CACNA1H: variants seen among roughly 807,000 people sequenced by gnomAD.
CACNA1H encodes the protein calcium voltage-gated channel subunit alpha1 H.
A neutral mutation model predicts 192.5 loss-of-function variants in CACNA1H; 149 were observed. That is an observed-to-expected ratio of 0.77 (90% CI 0.68 to 0.89). CACNA1H has a LOEUF of 0.89. CACNA1H is among the 40% of genes least tolerant of loss of function. CACNA1H has a pLI of 0.00. For synonymous variants in CACNA1H, 2,202 were observed against 1,475.2 expected (o/e 1.49, Z -11.29); for missense variants, 4,257 against 3,423.5 (o/e 1.24, Z -6.08).
At chr16:1,170,257 G>A (rs1964229203) in intron 2 of CACNA1H, among the ~76,000 whole-genome samples, 2 of 152,202 alleles carry the variant, frequency 1.3e-5, no homozygotes, top group African/African-American at 2.4e-5. Flanking sequence ...AGCCTTCTTT[G>A]TGAGGGGCGG....
chr16:1,176,920 G>A (rs111640028), intron 2 of CACNA1H, among the ~76,000 whole-genome samples: 2 of 152,168 alleles, frequency 1.3e-5, no homozygotes, highest in African/African-American at 4.8e-5. Flanking sequence ...GCTGCTGTGA[G>A]GATGTTCCGT....
Position 1,220,694 on chromosome 16 carries a change from C to T in CACNA1H, c.6762C>T (p.Ala2254=), listed in dbSNP as rs771676002. 3.1e-6 allele frequency: 5 copies of T among 1,611,296 alleles called. No individual in the cohort carries two copies. In the East Asian group the frequency reaches 8.9e-5, roughly 29 times the overall value. ...PAAKGERWGQ[A]SCRAEHLTVP... is the part of the protein sequence containing the mutation. ...CCAAGGGGGAGCGCTGGGGCCAGGC[C>T]TCCTGCCGGGCTGAGCACCTGACCG... is the stretch of plus-strand genomic sequence containing the variant. The change falls in exon 35 of 35, where the codon GCC becomes GCT. Residue 2254 remains alanine, a synonymous_variant. Transcript: ENST00000348261.
chr16:1,221,184 C>T lies in CACNA1H; in HGVS notation c.*190C>T. 1 of 548,126 alleles carries T rather than the reference C, an allele frequency of 1.8e-6. No individual in the cohort carries two copies. Among genetic ancestry groups the T allele is most frequent in the Non-Finnish European group, 3.2e-6 (1 of 315,220 alleles). The allele number at this position is 548,126 out of a possible 1,614,324, so 34.0% of individuals were successfully genotyped here. A position where few individuals can be genotyped will look rare whatever the true frequency, so the allele number is the denominator to read the frequency against. ...AGGAGTAGCTGCCGGGCCCCACGAG[C>T]CTCCGTCCGTTCTGGTTCGGGTTTC... is the stretch of plus-strand genomic sequence containing the variant. On this transcript the variant is annotated 3_prime_UTR_variant, in exon 35 of 35. Transcript: ENST00000348261.
At chr16:1,174,471 C>T (rs1964670485) in intron 2 of CACNA1H, among the ~76,000 whole-genome samples, 1 of 152,102 alleles carries the variant, frequency 6.6e-6, no homozygotes, top group African/African-American at 2.4e-5. Flanking sequence ...GCCCACCTGG[C>T]CCAGCCTGGA....
chr16:1,183,732 C>T (rs1253195866), intron 2 of CACNA1H, among the ~76,000 whole-genome samples: 4 of 152,236 alleles, frequency 2.6e-5, no homozygotes, highest in East Asian at 1.9e-4. Context: ...GGCTGGGGGG[C>T]GGCCCTGGGG....
At chr16:1,158,018 G>GC (rs1261061331) in intron 2 of CACNA1H, 1 of 152,322 alleles carries the variant, frequency 6.6e-6, no homozygotes, top group African/African-American at 2.4e-5. Flanking sequence ...TGGCGCCCTT[G>GC]CCCGCATTCT....
In CACNA1H at chr16:1,199,600, C is replaced by T. The variant is rs549463132; in HGVS notation, c.804-656C>T. Among the ~76,000 whole-genome samples, 45 of 151,264 alleles carry T rather than the reference C, an allele frequency of 3.0e-4. 3 individuals carry two copies. Among genetic ancestry groups the T allele is most frequent in the Admixed American group, 1.5e-3 (23 of 15,234 alleles). ...CACCCCAGAGTCCGTCACACCTTAC[C>T]CCAGGGTCTCCCCTCGGCCCTTGCT... On this transcript the variant is annotated intron_variant, in intron 6 of 34. Coordinates refer to ENST00000348261, the MANE Select transcript of CACNA1H (RefSeq NM_021098.3).
chr16:1,173,039 G>A (rs1421392200), intron 2 of CACNA1H, among the ~76,000 whole-genome samples: 1 of 152,168 alleles, frequency 6.6e-6, no homozygotes. Flanking sequence ...CCCTGGGTGT[G>A]GCGTGGAGAG....
chr16:1,214,598 C>T (rs1273055283), intron 27 of CACNA1H, among the ~76,000 whole-genome samples: 1 of 152,166 alleles, frequency 6.6e-6, no homozygotes, highest in Non-Finnish European at 1.5e-5. Flanking sequence ...CCCCATGTCC[C>T]CGAGGTGCTC....
chr16:1,183,314 C>T (rs747733166), intron 2 of CACNA1H, among the ~76,000 whole-genome samples: 2 of 152,166 alleles, frequency 1.3e-5, no homozygotes, highest in African/African-American at 2.4e-5. Flanking sequence ...AGGACCTCAC[C>T]CCTTCCTGAG....
At position 1,178,139 on chromosome 16, in the gene CACNA1H, C is replaced by T. The variant is rs1168452984; in HGVS notation, c.300-16833C>T. On this transcript the variant is annotated intron_variant, in intron 2 of 34. Transcript: ENST00000348261. ...TCTCCCTGGGGACCCCATGGTCACT[C>T]CCCCACCCCGGAAACCGCCCCCCCA... Among the ~76,000 whole-genome samples, 176 of 93,350 alleles carry T rather than the reference C, an allele frequency of 1.9e-3. 1 individual carries two copies. The highest frequency in any genetic ancestry group is 0.011 in the Middle Eastern group (2 of 188). 61.2% of individuals were successfully genotyped at this position (93,350 alleles called of 152,430 possible). A position where few individuals can be genotyped will look rare whatever the true frequency, so the allele number is the denominator to read the frequency against.
rs1208126657 is a variant in CACNA1H at position 1,153,885 on chromosome 16, C to T, written c.148C>T (p.Pro50Ser). Residue 50 changes from proline (P) to serine (S), a missense_variant, in exon 2 of 35, where the codon CCC (proline) becomes TCC (serine). Transcript: ENST00000348261. ...AERGSELGVS[P>S]SESPAAERGA... ...GCGGGGGTCCGAGCTCGGCGTGTCA[C>T]CCTCCGAGAGCCCGGCGGCCGAGCG... The T allele has an allele frequency of 3.5e-6, 5 of 1,436,082 alleles. No individual in the cohort carries two copies. In the African/African-American group the frequency reaches 4.5e-5, roughly 13 times the overall value. The allele number at this position is 1,436,082 out of a possible 1,614,324, so 89.0% of individuals were successfully genotyped here. A position where few individuals can be genotyped will look rare whatever the true frequency, so the allele number is the denominator to read the frequency against.
chr16:1,210,342 CACCTCT>C, intron 18 of CACNA1H, 22 bp from the exon 19 acceptor site: 1 of 999,084 alleles, frequency 1.0e-6, no homozygotes. Context: ...CGCCCCGCCC[CACCTCT>C]CACCCGCCCC....
rs1052637462 is a variant in CACNA1H, at chr16:1,221,542, G to A, written c.*548G>A. ...GAAGCGTCCTGTGACTCTGGGAGAG[G>A]TGACACCTCACTAAGGGGCCGACCC... On this transcript the variant is annotated 3_prime_UTR_variant, in exon 35 of 35. Transcript: ENST00000348261. 2.0e-6 allele frequency: 1 copy of A among 500,854 alleles called. No individual in the cohort carries two copies. 31.0% of individuals were successfully genotyped at this position (500,854 alleles called of 1,614,324 possible).
At chr16:1,212,390 T>C in intron 25 of CACNA1H, 121 bp from the exon 26 acceptor site, 1 of 1,114,458 alleles carries the variant, frequency 9.0e-7, no homozygotes, top group Non-Finnish European at 1.3e-6. Flanking sequence ...CCCCACCGAG[T>C]CCTCACTCCA....
intron 2 of CACNA1H, among the ~76,000 whole-genome samples, chr16:1,187,262 G>A (rs754857911): frequency 1.3e-5 from 2 of 152,236 alleles, no homozygotes; most frequent in African/African-American, 2.4e-5. Context: ...GGGAGGGAGC[G>A]GCCTCAGCCT....
At position 1,207,390 on chromosome 16, in the gene CACNA1H, A is replaced by C. The variant is rs757811731; in HGVS notation, c.3023A>C (p.Asn1008Thr). 1 of 1,613,170 alleles carries C rather than the reference A, an allele frequency of 6.2e-7. No individual in the cohort carries two copies. Among genetic ancestry groups the C allele is most frequent in the Non-Finnish European group, 8.5e-7 (1 of 1,179,784 alleles). Residue 1008 changes from asparagine to threonine, a missense_variant, in exon 14 of 35, where the codon AAC becomes ACC. By Grantham distance (65) the Asn-to-Thr change is moderately conservative. Coordinates refer to ENST00000348261, the MANE Select transcript of CACNA1H (RefSeq NM_021098.3). ...ACCTTCGGCAACTATGTGCTCTTCA[A>C]CCTGCTGGTGGCCATCCTCGTGGAG... The part of the protein sequence containing the change: ...LMTFGNYVLF[N>T]LLVAILVEGF...
In CACNA1H at chr16:1,212,401, C is replaced by T. The variant is rs545811145; in HGVS notation, c.4760-110C>T. ...GGTTCCCCACCGAGTCCTCACTCCA[C>T]GAGGAGCCAGCACAGCCCCCGAGAC... On this transcript the variant is annotated intron_variant, in intron 25 of 34. Transcript: ENST00000348261. 405 of 1,214,642 alleles carry T rather than the reference C, an allele frequency of 3.3e-4. 1 individual carries two copies. The African/African-American group carries it at 5.3e-3, about 16-fold the overall frequency. 75.2% of individuals were successfully genotyped at this position (1,214,642 alleles called of 1,614,324 possible). A position where few individuals can be genotyped will look rare whatever the true frequency, so the allele number is the denominator to read the frequency against.
rs1334894111 is a variant in CACNA1H at position 1,202,040 on chromosome 16, T to C, written c.1590T>C (p.His530=). The C allele has an allele frequency of 6.5e-7, 1 of 1,537,788 alleles. No individual in the cohort carries two copies. Among genetic ancestry groups the C allele is most frequent in the Non-Finnish European group, 8.7e-7 (1 of 1,144,096 alleles). ...ATCACCACCACCACCACCACTACCA[T>C]TTCAGCCATGGCAGCCCCCGCAGGC... is the stretch of plus-strand genomic sequence containing the variant. ...HHHHHHHHHY[H]FSHGSPRRPG... The change falls in exon 9 of 35, where the codon CAT becomes CAC. Residue 530 remains histidine (H), a synonymous_variant. Coordinates refer to ENST00000348261, the MANE Select transcript of CACNA1H (RefSeq NM_021098.3).
Sources: allele counts gnomAD v4.1 joint callset (sites outside exome capture counted in the v4.1 genomes callset), GRCh38; gene constraint gnomAD v4.1.1; transcripts MANE v1.5; gene names NCBI Gene and HGNC (gene_info 2026-07-23, HGNC 2026-07-21).